ENO4: variants seen among roughly 807,000 people sequenced by gnomAD.
The protein encoded by ENO4 is enolase 4.
A neutral mutation model predicts 63.2 loss-of-function variants in ENO4; 53 were observed. That is an observed-to-expected ratio of 0.84 (90% CI 0.67 to 1.05). The LOEUF is 1.05. ENO4 is among the 50% of genes least tolerant of loss of function. The pLI is 0.00. For missense variants in ENO4, 719 were observed against 772.0 expected (o/e 0.93, Z 0.81); for synonymous variants, 266 against 283.8 (o/e 0.94, Z 0.63).
At chr10:116,859,275 C>A in intron 4 of ENO4, 137 bp downstream of exon 4, 2 of 957,354 alleles carry the variant, frequency 2.1e-6, no homozygotes, top group East Asian at 2.9e-5. Flanking sequence ...CCATCCTATG[C>A]CACATCCTCA....
At chr10:116,884,346 C>A, downstream of ENO4, 1 of 432,852 alleles carries the variant, frequency 2.3e-6, no homozygotes, top group South Asian at 1.6e-5. Context: ...TGAATATCTT[C>A]CATCAAATAC....
At chr10:116,894,339 C>T (rs532770125) in intron 10 of ENO4, among the ~76,000 whole-genome samples, 1 of 152,170 alleles carries the variant, frequency 6.6e-6, no homozygotes, top group South Asian at 2.1e-4. Context: ...TTATAATTGC[C>T]ACATGGGTTT....
exon 11 of ENO4, chr10:116,911,693 A>G (rs1848205069): frequency 6.3e-7 from 1 of 1,580,716 alleles, no homozygotes; most frequent in African/African-American, 1.3e-5. Flanking sequence ...GTAAATGGGA[A>G]TAAAACACAC....
At chr10:116,910,081 G>A (rs113238614) in intron 10 of ENO4, among the ~76,000 whole-genome samples, 152 of 152,236 alleles carry the variant, frequency 1.0e-3, no homozygotes, top group Middle Eastern at 3.4e-3. Flanking sequence ...CTGGCAGGTC[G>A]AGCTAGGAGC....
At chr10:116,892,371 T>C (rs740600) in intron 10 of ENO4, among the ~76,000 whole-genome samples, 91,025 of 152,112 alleles carry the variant, frequency 0.6, 30,334 homozygotes, top group Middle Eastern at 0.75. Flanking sequence ...CGGCCAAAGA[T>C]TCTGAAATGT....
chr10:116,907,374 C>T (rs1848011291), intron 10 of ENO4, among the ~76,000 whole-genome samples: 1 of 152,182 alleles, frequency 6.6e-6, no homozygotes, highest in Non-Finnish European at 1.5e-5. Context: ...ACTCCACATT[C>T]CTAACACAGG....
In ENO4 at chr10:116,849,996, C is replaced by G. The variant is rs560135910; in HGVS notation, c.165+265C>G. The stretch of plus-strand genomic sequence containing the variant: ...GCGTATTTGACCTGCAGCGGCAGCC[C>G]AGGGGCTGGCAGGCTTCCTCGCTGC... On this transcript the variant is annotated intron_variant, in intron 1 of 13. Coordinates refer to ENST00000341276, the MANE Select transcript of ENO4 (RefSeq NM_001242699.2). 6.4e-3 allele frequency: 4,010 copies of G among 631,324 alleles called. 23 individuals carry two copies. The highest frequency in any genetic ancestry group is 9.5e-3 in the Middle Eastern group (38 of 3,984). The allele number at this position is 631,324 out of a possible 1,614,324, so 39.1% of individuals were successfully genotyped here.
At chr10:116,875,985 G>A (rs1052070820) in intron 10 of ENO4, 80 bp from the exon 11 acceptor site, 5 of 1,063,616 alleles carry the variant, frequency 4.7e-6, no homozygotes, top group Non-Finnish European at 5.1e-6. Context: ...GTGTGAGCTT[G>A]AGTATGTGCT....
intron 10 of ENO4, among the ~76,000 whole-genome samples, chr10:116,904,727 T>G (rs1250882976): frequency 6.6e-6 from 1 of 152,206 alleles, no homozygotes; most frequent in Non-Finnish European, 1.5e-5. Flanking sequence ...CTATATTAAC[T>G]AAAATAAAAA....
At chr10:116,892,470 C>T (rs542143320) in intron 10 of ENO4, among the ~76,000 whole-genome samples, 1 of 152,168 alleles carries the variant, frequency 6.6e-6, no homozygotes, top group Non-Finnish European at 1.5e-5. Flanking sequence ...CAGATTCCAG[C>T]TATTAAAAGC....
At chr10:116,893,340 C>G (rs1201838796) in intron 10 of ENO4, among the ~76,000 whole-genome samples, 1 of 152,116 alleles carries the variant, frequency 6.6e-6, no homozygotes, top group African/African-American at 2.4e-5. Flanking sequence ...ACATGGAGAA[C>G]CTTTGTAGCA....
At chr10:116,886,599 A>G (rs773050256), downstream of ENO4, 60 of 1,610,166 alleles carry the variant, frequency 3.7e-5, no homozygotes, top group Non-Finnish European at 5.0e-5. Flanking sequence ...AAAAAAGTAA[A>G]AAGCAGAGAG....
chr10:116,897,305 T>C (rs1019752776), intron 10 of ENO4, among the ~76,000 whole-genome samples: 15 of 152,336 alleles, frequency 9.8e-5, no homozygotes, highest in African/African-American at 3.4e-4. Context: ...TGTTTTTCTA[T>C]AAAAACTACA....
intron 7 of ENO4, among the ~76,000 whole-genome samples, chr10:116,866,556 G>T (rs932357803): frequency 1.3e-5 from 2 of 152,154 alleles, no homozygotes; most frequent in Non-Finnish European, 2.9e-5. Flanking sequence ...AAGTGTGGTA[G>T]CACATGCCTA....
rs1477885956 is a variant in ENO4, at chr10:116,876,255, T to C, written c.1532T>C (p.Ile511Thr). The C allele has an allele frequency of 7.4e-5, 114 of 1,541,710 alleles. No individual in the cohort carries two copies. Among genetic ancestry groups the C allele is most frequent in the Middle Eastern group, 1.7e-4 (1 of 5,948 alleles). The change falls in exon 11 of 14, where the codon ATT (isoleucine) becomes ACT (threonine). Residue 511 changes from isoleucine (I) to threonine (T), a missense_variant. Physicochemically the swap from Ile to Thr is moderately conservative, Grantham distance 89. Transcript: ENST00000341276. Reference protein sequence around the residue: ...MSDLVEITNLIDSKKHITVFG... With the variant: ...MSDLVEITNLTDSKKHITVFG... Reference sequence around the variant, plus strand: ...GACTTGGTGGAAATAACCAATCTGATTGACAGTGAGTAAAAGCATACATCT... The same window carrying C: ...GACTTGGTGGAAATAACCAATCTGACTGACAGTGAGTAAAAGCATACATCT...
intron 2 of ENO4, among the ~76,000 whole-genome samples, chr10:116,856,122 ATTTAC>A (rs1315165570): frequency 6.6e-6 from 1 of 152,214 alleles, no homozygotes; most frequent in African/African-American, 2.4e-5. Flanking sequence ...AAAGAAAATA[ATTTAC>A]TTTAATAATT....
At chr10:116,861,258 C>T in intron 6 of ENO4, 68 bp downstream of exon 6, 3 of 390,034 alleles carry the variant, frequency 7.7e-6, no homozygotes, top group Non-Finnish European at 1.2e-5. Flanking sequence ...TATATATATA[C>T]TCCGTCATTG....
chr10:116,865,559 C>A (rs914627627), intron 7 of ENO4, among the ~76,000 whole-genome samples: 1 of 152,082 alleles, frequency 6.6e-6, no homozygotes, highest in Non-Finnish European at 1.5e-5. Context: ...TGGAGTCATA[C>A]CGATTTTTAA....
chr10:116,857,025 C>G (rs1280852959), intron 3 of ENO4, among the ~76,000 whole-genome samples: 1 of 151,368 alleles, frequency 6.6e-6, no homozygotes, highest in African/African-American at 2.4e-5. Flanking sequence ...TACAAATATA[C>G]GTCCATTATC....
Sources: allele counts gnomAD v4.1 joint callset (sites outside exome capture counted in the v4.1 genomes callset), GRCh38; gene constraint gnomAD v4.1.1; transcripts MANE v1.5; gene names NCBI Gene and HGNC (gene_info 2026-07-23, HGNC 2026-07-21).